ATXN1: variants seen among roughly 807,000 people sequenced by gnomAD.
ATXN1 encodes the protein ataxin-1.
ATXN1 carries 8 observed loss-of-function variants against 56.4 expected under a neutral mutation model. That is an observed-to-expected ratio of 0.14 (90% CI 0.08 to 0.26). The LOEUF (loss-of-function observed/expected upper bound fraction) is 0.26, where lower values mean the gene tolerates loss of function less well. Among genes scored for constraint, ATXN1 ranks in the 10% least tolerant of loss-of-function variants. ATXN1 has a pLI of 1.00. For missense variants in ATXN1, 987 were observed against 1,106.5 expected, an observed-to-expected ratio of 0.89 and a Z score of 1.53; for synonymous variants, 514 against 494.6, an observed-to-expected ratio of 1.04 and a Z score of -0.52.
intron 7 of ATXN1, among the ~76,000 whole-genome samples, chr6:16,325,279 G>A (rs2282847): frequency 4.6e-5 from 7 of 151,676 alleles, no homozygotes; most frequent in African/African-American, 1.2e-4. Flanking sequence ...CACCATGCCC[G>A]GCTAATTTTT....
intron 6 of ATXN1, among the ~76,000 whole-genome samples, chr6:16,466,557 T>C (rs1428706966): frequency 6.6e-6 from 1 of 152,106 alleles, no homozygotes; most frequent in Non-Finnish European, 1.5e-5. Flanking sequence ...ACTGGAAAAG[T>C]CAGTAGCCAG....
intron 6 of ATXN1, among the ~76,000 whole-genome samples, chr6:16,419,568 G>C (rs770915356): frequency 2.0e-5 from 3 of 152,204 alleles, no homozygotes; most frequent in Non-Finnish European, 4.4e-5. Context: ...AAAGGAAAAG[G>C]CCTGGCCCTG....
At chr6:16,604,687 G>A (rs1237633363) in intron 3 of ATXN1, among the ~76,000 whole-genome samples, 2 of 150,180 alleles carry the variant, frequency 1.3e-5, no homozygotes, top group Non-Finnish European at 1.5e-5. Context: ...CTGGAACCAG[G>A]TGATCCTCCC....
At chr6:16,623,935 C>T (rs1763362748) in intron 3 of ATXN1, among the ~76,000 whole-genome samples, 1 of 152,126 alleles carries the variant, frequency 6.6e-6, no homozygotes, top group Non-Finnish European at 1.5e-5. Flanking sequence ...TATGATTCAC[C>T]CTCTATGAGG....
intron 6 of ATXN1, among the ~76,000 whole-genome samples, chr6:16,385,587 T>C (rs1327228295): frequency 3.3e-5 from 5 of 152,240 alleles, no homozygotes; most frequent in Admixed American, 6.5e-5. Flanking sequence ...GTCTAGCTCC[T>C]TTCTAACTCA....
intron 3 of ATXN1, among the ~76,000 whole-genome samples, chr6:16,610,871 A>T (rs1215321935): frequency 3.3e-5 from 5 of 151,622 alleles, no homozygotes; most frequent in Non-Finnish European, 7.4e-5. Flanking sequence ...AAAAAAAAAA[A>T]AAAAATAAAG....
At chr6:16,429,606 T>C (rs902390790) in intron 6 of ATXN1, among the ~76,000 whole-genome samples, 2 of 151,900 alleles carry the variant, frequency 1.3e-5, no homozygotes, top group African/African-American at 4.8e-5. Flanking sequence ...TTAGTAGAGA[T>C]AGGGTTTTGC....
rs577431880 is a variant in ATXN1 at position 16,472,160 on chromosome 6, A to C, written c.-161+13812T>G. ...ATAACACGCAGGTGGCAGCATATGCACACCTGCGTCTTCACCCCACTTCCA... is the reference window on the plus strand; with the variant it reads ...ATAACACGCAGGTGGCAGCATATGCCCACCTGCGTCTTCACCCCACTTCCA... On this transcript the variant is annotated intron_variant, in intron 6 of 7. Transcript: ENST00000436367. Among the ~76,000 whole-genome samples, 12 of 152,296 alleles carry C rather than the reference A, an allele frequency of 7.9e-5. No homozygotes were observed. In the East Asian group the frequency reaches 2.3e-3, roughly 29 times the overall value.
intron 6 of ATXN1, among the ~76,000 whole-genome samples, chr6:16,387,727 T>C (rs142102521): frequency 4.6e-4 from 70 of 152,334 alleles, no homozygotes; most frequent in Non-Finnish European, 9.0e-4. Context: ...AGCATTGTCT[T>C]AGGGTTCTTC....
At chr6:16,665,964 A>C (rs1053212917) in intron 2 of ATXN1, among the ~76,000 whole-genome samples, 1 of 152,198 alleles carries the variant, frequency 6.6e-6, no homozygotes, top group African/African-American at 2.4e-5. Flanking sequence ...GATACCCATC[A>C]CTTCATTTCT....
intron 6 of ATXN1, among the ~76,000 whole-genome samples, chr6:16,374,137 G>GC (rs1762100486): frequency 1.3e-5 from 1 of 75,002 alleles, no homozygotes; most frequent in East Asian, 7.9e-4. Context: ...TAGGATATGA[G>GC]CAAAAAAAAA....
chr6:16,497,850 T>C (rs74553632), intron 5 of ATXN1, among the ~76,000 whole-genome samples: 39 of 152,096 alleles, frequency 2.6e-4, no homozygotes, highest in African/African-American at 9.4e-4. Flanking sequence ...AGTGTAGATG[T>C]CTCTTTGCAG....
intron 5 of ATXN1, among the ~76,000 whole-genome samples, chr6:16,487,376 G>T (rs900011510): frequency 6.6e-6 from 1 of 151,992 alleles, no homozygotes; most frequent in Admixed American, 6.6e-5. Flanking sequence ...AAAAAGGCAA[G>T]AATGAATAAT....
rs534287320 is a variant in ATXN1, at chr6:16,549,644, TC to T, written c.-360-26957del. Among the ~76,000 whole-genome samples the T allele has an allele frequency of 2.6e-5, 4 of 152,172 alleles. No homozygotes were observed. In the East Asian group the frequency reaches 7.7e-4, roughly 29 times the overall value. On this transcript the variant is annotated intron_variant, in intron 4 of 7. Coordinates refer to ENST00000436367, the MANE Select transcript of ATXN1 (RefSeq NM_001128164.2). The stretch of plus-strand genomic sequence containing the variant: ...CAGGTGCAGCGGCTTACGCCTGTAA[TC>T]CCAGCACTTTGGGAGGCAGAGATGG...
chr6:16,615,562 T>A (rs1763192491), intron 3 of ATXN1: 1 of 147,444 alleles, frequency 6.8e-6, no homozygotes, highest in South Asian at 2.3e-4. Flanking sequence ...AATCACAGCA[T>A]CACCATTCAA....
chr6:16,607,323 A>C (rs1763028827), intron 3 of ATXN1, among the ~76,000 whole-genome samples: 1 of 152,248 alleles, frequency 6.6e-6, no homozygotes, highest in African/African-American at 2.4e-5. Flanking sequence ...CTAGCTCCCA[A>C]GTTCTGCAAT....
At chr6:16,706,809 A>G (rs1759418638) in intron 2 of ATXN1, among the ~76,000 whole-genome samples, 1 of 151,468 alleles carries the variant, frequency 6.6e-6, no homozygotes, top group Non-Finnish European at 1.5e-5. Context: ...AGACTGGGAC[A>G]AGAATTCAGG....
intron 4 of ATXN1, among the ~76,000 whole-genome samples, chr6:16,556,149 C>T (rs1186448160): frequency 1.3e-5 from 2 of 152,058 alleles, no homozygotes; most frequent in Non-Finnish European, 2.9e-5. Flanking sequence ...CAAGCCTTTT[C>T]GGAGACTCTT....
chr6:16,581,728 C>T (rs1762533617), intron 4 of ATXN1, among the ~76,000 whole-genome samples: 1 of 152,112 alleles, frequency 6.6e-6, no homozygotes, highest in African/African-American at 2.4e-5. Flanking sequence ...TATAATTAAT[C>T]TCACTCTCTG....
Sources: gnomAD v4.1 joint callset for allele counts (sites outside exome capture counted in the v4.1 genomes callset) on GRCh38, gnomAD v4.1.1 for gene constraint, MANE v1.5 for transcripts, NCBI Gene and HGNC (gene_info 2026-07-23, HGNC 2026-07-21) for gene names.